The following MYH11 variants were observed in gnomAD, a reference collection of about 807,000 sequenced individuals.
The protein encoded by MYH11 is myosin heavy chain 11, also known as myosin-11.
MYH11 carries 80 observed loss-of-function variants against 246.6 expected under a neutral mutation model. The observed-to-expected ratio is 0.32, with a 90% confidence interval of 0.27 to 0.39. The LOEUF is 0.39. MYH11 is among the 10% of genes least tolerant of loss of function. The probability of loss-of-function intolerance (pLI) is 1.00; values close to 1 mark genes in which losing one functional copy is unlikely to be tolerated. For synonymous variants in MYH11, 1,071 were observed against 1,015.5 expected, an observed-to-expected ratio of 1.05 and a Z score of -1.04; for missense variants, 2,158 against 2,546.8, an observed-to-expected ratio of 0.85 and a Z score of 3.29.
intron 20 of MYH11, among the ~76,000 whole-genome samples, chr16:15,742,444 T>A (rs957112039): frequency 6.6e-6 from 1 of 152,188 alleles, no homozygotes; most frequent in East Asian, 1.9e-4. Flanking sequence ...TTTTATTATT[T>A]AAAATTATAT....
intron 38 of MYH11, among the ~76,000 whole-genome samples, chr16:15,716,259 A>G (rs757510917): frequency 3.3e-5 from 5 of 152,014 alleles, no homozygotes; most frequent in Non-Finnish European, 7.4e-5. Context: ...GCCGATGAAA[A>G]TGTTCTCAAA....
At chr16:15,753,312 G>T in intron 15 of MYH11, 82 bp downstream of exon 15, 1 of 1,247,770 alleles carries the variant, frequency 8.0e-7, no homozygotes, top group Non-Finnish European at 1.2e-6. Flanking sequence ...CCCCTCCTGG[G>T]GCAGGTGTGA....
At position 15,720,191 on chromosome 16, in the gene MYH11, T is replaced by C. The variant is rs773307101; in HGVS notation, c.4913A>G (p.Lys1638Arg). Residue 1638 changes from lysine (K) to arginine (R), a missense_variant, in exon 34 of 41, where the codon AAG becomes AGG. By Grantham distance (26) the Lys-to-Arg change is conservative. Transcript: ENST00000300036. ...DLELQADSAI[K>R]GREEAIKQLR... ...CTGCTTGATGGCTTCCTCCCTCCCCTTGATGGCAGAGTCGGCCTGAAGCTC... is the reference window on the plus strand; with the variant it reads ...CTGCTTGATGGCTTCCTCCCTCCCCCTGATGGCAGAGTCGGCCTGAAGCTC... The C allele has an allele frequency of 6.2e-7, 1 of 1,614,120 alleles. No homozygotes were observed. The highest frequency in any genetic ancestry group is 2.2e-5 in the East Asian group (1 of 44,874).
intron 40 of MYH11, among the ~76,000 whole-genome samples, chr16:15,707,596 CA>C (rs1438175973): frequency 3.3e-5 from 5 of 152,212 alleles, no homozygotes; most frequent in African/African-American, 1.2e-4. Context: ...GTAGTGACAG[CA>C]AAGCTGAGAT....
intron 4 of MYH11, among the ~76,000 whole-genome samples, chr16:15,794,986 T>C (rs953260452): frequency 1.3e-5 from 2 of 152,140 alleles, no homozygotes; most frequent in African/African-American, 4.8e-5. Flanking sequence ...AACGGGACTT[T>C]AGAACCAGTG....
chr16:15,704,926 A>AC (rs1440886816), intron 40 of MYH11, among the ~76,000 whole-genome samples: 2 of 151,568 alleles, frequency 1.3e-5, no homozygotes, highest in Admixed American at 6.6e-5. Flanking sequence ...CAGTTCTCCT[A>AC]CCTTGGCCTC....
At chr16:15,765,713 C>T (rs920159146) in intron 9 of MYH11, among the ~76,000 whole-genome samples, 1 of 152,180 alleles carries the variant, frequency 6.6e-6, no homozygotes. Context: ...AAGGACCCAG[C>T]TGCTGACCAC....
At chr16:15,795,714 T>C (rs1254525764) in intron 4 of MYH11, among the ~76,000 whole-genome samples, 1 of 152,154 alleles carries the variant, frequency 6.6e-6, no homozygotes, top group East Asian at 1.9e-4. Flanking sequence ...TAGCAGCTGA[T>C]CCTTACAAAG....
chr16:15,717,068 C>CCTGACTTCACTATGACT, intron 38 of MYH11, 72 bp downstream of exon 38: 1 of 1,516,152 alleles, frequency 6.6e-7, no homozygotes, highest in Non-Finnish European at 9.2e-7. Flanking sequence ...GAAGAGGTTC[C>CCTGACTTCACTATGACT]CTGACTTCAC....
At chr16:15,796,647 A>G (rs1163321788) in intron 4 of MYH11, among the ~76,000 whole-genome samples, 1 of 152,154 alleles carries the variant, frequency 6.6e-6, no homozygotes, top group African/African-American at 2.4e-5. Context: ...CTATCCTCAG[A>G]ATCTGTGAAT....
intron 31 of MYH11, among the ~76,000 whole-genome samples, chr16:15,723,673 A>G: frequency 6.6e-6 from 1 of 152,152 alleles, no homozygotes; most frequent in East Asian, 1.9e-4. Flanking sequence ...AAGTTCATAT[A>G]ATACAGTGTC....
chr16:15,814,135 T>TC (rs66823162), intron 3 of MYH11, among the ~76,000 whole-genome samples: 4 of 148,348 alleles, frequency 2.7e-5, no homozygotes, highest in African/African-American at 7.4e-5. Flanking sequence ...GGAAACTCCA[T>TC]CCCCCAAAAA....
At chr16:15,776,243 C>G in intron 7 of MYH11, 67 bp from the exon 8 acceptor site, 1 of 1,020,098 alleles carries the variant, frequency 9.8e-7, no homozygotes, top group Non-Finnish European at 1.6e-6. Context: ...CACCTCCATC[C>G]CTGTCACACC....
intron 1 of MYH11, among the ~76,000 whole-genome samples, chr16:15,843,787 T>C (rs1384339099): frequency 6.6e-6 from 1 of 151,918 alleles, no homozygotes; most frequent in East Asian, 1.9e-4. Context: ...ATTAGGCCAA[T>C]GGGGCTCACA....
At chr16:15,707,011 G>A (rs994905602) in intron 40 of MYH11, among the ~76,000 whole-genome samples, 4 of 152,028 alleles carry the variant, frequency 2.6e-5, no homozygotes, top group African/African-American at 9.7e-5. Context: ...CCCCCCTAAA[G>A]GTTTTCTTAA....
At chr16:15,806,801 G>A (rs993655057) in intron 3 of MYH11, among the ~76,000 whole-genome samples, 2 of 152,122 alleles carry the variant, frequency 1.3e-5, no homozygotes, top group Non-Finnish European at 2.9e-5. Flanking sequence ...CACACAGTAG[G>A]TGCTCAGGAA....
In MYH11 at chr16:15,721,310, G is replaced by A. The variant is rs774281109; in HGVS notation, c.4578+112C>T. 59 of 1,273,658 alleles carry A rather than the reference G, an allele frequency of 4.6e-5. No individual in the cohort carries two copies. The Middle Eastern group carries it at 7.2e-4, about 15-fold the overall frequency. The allele number at this position is 1,273,658 out of a possible 1,614,324, so 78.9% of individuals were successfully genotyped here. ...AGTCCAAAAACCTCCTTCCATTTCC[G>A]ATGATAGTTCGCTATGAAAAAGGCC... On this transcript the variant is annotated intron_variant, in intron 32 of 40. Coordinates refer to ENST00000300036, the MANE Select transcript of MYH11 (RefSeq NM_002474.3).
In MYH11 at chr16:15,720,285, C is replaced by A. The variant is rs771990666; in HGVS notation, c.4819G>T (p.Asp1607Tyr). 3 of 1,613,974 alleles carry A rather than the reference C, an allele frequency of 1.9e-6. No individual in the cohort carries two copies. The highest frequency in any genetic ancestry group is 2.5e-6 in the Non-Finnish European group (3 of 1,180,010). The change falls in exon 34 of 41, where the codon GAC (aspartate) becomes TAC (tyrosine). Residue 1607 changes from aspartate (D) to tyrosine (Y), a missense_variant. Asp to Tyr is a radical substitution (Grantham distance 160). Coordinates refer to ENST00000300036, the MANE Select transcript of MYH11 (RefSeq NM_002474.3). ...QLHEYETELE[D>Y]ERKQRALAAA... ...GCCAGGGCACGTTGCTTTCGCTCGT[C>A]TTCCAGTTCCGTCTCATACTCGTGA... is the stretch of plus-strand genomic sequence containing the variant.
intron 3 of MYH11, among the ~76,000 whole-genome samples, chr16:15,800,597 T>TTTGGA (rs1555454015): frequency 2.8e-5 from 4 of 143,074 alleles, no homozygotes; most frequent in African/African-American, 1.0e-4. Flanking sequence ...GGTAAATGAG[T>TTTGGA]TGGATGGATG....
Sources: allele counts gnomAD v4.1 joint callset (sites outside exome capture counted in the v4.1 genomes callset), GRCh38; gene constraint gnomAD v4.1.1; transcripts MANE v1.5; gene names NCBI Gene and HGNC (gene_info 2026-07-23, HGNC 2026-07-21).